The following HDAC4 variants were observed in gnomAD, a reference collection of about 807,000 sequenced individuals.
HDAC4 encodes the protein histone deacetylase 4.
HDAC4 carries 16 observed loss-of-function variants against 135.1 expected under a neutral mutation model. The ratio of observed to expected loss-of-function variants is 0.12; its 90% CI spans 0.08 to 0.18. HDAC4 has a LOEUF of 0.18. HDAC4 is among the 10% of genes least tolerant of loss of function. The pLI, the probability that HDAC4 is intolerant of heterozygous loss-of-function variation, is 1.00. For missense variants in HDAC4, 1,143 were observed against 1,511.8 expected, an observed-to-expected ratio of 0.76 and a Z score of 4.05; for synonymous variants, 685 against 653.4, an observed-to-expected ratio of 1.05 and a Z score of -0.74.
intron 19 of HDAC4, among the ~76,000 whole-genome samples, chr2:239,085,179 C>T (rs1232460394): frequency 1.3e-5 from 2 of 152,062 alleles, no homozygotes; most frequent in Non-Finnish European, 2.9e-5. Flanking sequence ...CAGGAGCTGC[C>T]GCCACGCCCC....
intron 3 of HDAC4, among the ~76,000 whole-genome samples, chr2:239,231,539 C>T (rs776546682): frequency 7.2e-5 from 11 of 152,242 alleles, no homozygotes; most frequent in Non-Finnish European, 8.8e-5. Context: ...CTCAGCATGC[C>T]GTCTGTTTAA....
chr2:239,142,432 C>T (rs368062049), intron 8 of HDAC4, among the ~76,000 whole-genome samples: 1 of 152,194 alleles, frequency 6.6e-6, no homozygotes, highest in Non-Finnish European at 1.5e-5. Flanking sequence ...GTACCAGTGC[C>T]GGCCAGGAGA....
At chr2:239,387,651 G>C (rs1298734136) in intron 1 of HDAC4, among the ~76,000 whole-genome samples, 1 of 152,200 alleles carries the variant, frequency 6.6e-6, no homozygotes. Context: ...GCCAGGGCAG[G>C]GATACTGCAA....
At position 239,239,175 on chromosome 2, in the gene HDAC4, C is replaced by T. The variant is rs369624865; in HGVS notation, c.23-2511G>A. Among the ~76,000 whole-genome samples the T allele has an allele frequency of 1.7e-4, 26 of 152,324 alleles. No homozygotes were observed. In the South Asian group the frequency reaches 5.0e-3, roughly 29 times the overall value. ...AGGGGCTCAGGTCCACAAGGCTGCCCCCATTTCAGACACAAGTCCTGGGCC... is the reference window on the plus strand; with the variant it reads ...AGGGGCTCAGGTCCACAAGGCTGCCTCCATTTCAGACACAAGTCCTGGGCC... On this transcript the variant is annotated intron_variant, in intron 2 of 26. Coordinates refer to ENST00000543185, the MANE Select transcript of HDAC4 (RefSeq NM_001378414.1).
rs1401963072 is a variant in HDAC4 at position 239,400,490 on chromosome 2, C to G, written c.-220+488G>C. 2.1e-5 allele frequency: 3 copies of G among 146,174 alleles called. No homozygotes were observed. In the East Asian group the frequency reaches 5.9e-4, roughly 29 times the overall value. 9.1% of individuals were successfully genotyped at this position (146,174 alleles called of 1,614,324 possible). On this transcript the variant is annotated intron_variant, in intron 1 of 26. Coordinates refer to ENST00000543185, the MANE Select transcript of HDAC4 (RefSeq NM_001378414.1). This position sits in a 1 kb window ranked among gnomAD's most constrained non-coding sequence, Gnocchi z 4.7. Reference sequence around the variant, plus strand: ...GCCTCGCGGCGCGGGTGGAAAGGTCCAGAAGGGGCCGGGCGGCCCTGGGGA... The same window carrying G: ...GCCTCGCGGCGCGGGTGGAAAGGTCGAGAAGGGGCCGGGCGGCCCTGGGGA...
At chr2:239,089,728 CTTTTTT>C (rs372528457) in intron 18 of HDAC4, 1 of 287,298 alleles carries the variant, frequency 3.5e-6, no homozygotes, top group Non-Finnish European at 6.4e-6. Flanking sequence ...CTCTTTGGAG[CTTTTTT>C]TTTTTTTTTA....
chr2:239,094,338 G>A (rs2036794885), intron 17 of HDAC4: 1 of 985,342 alleles, frequency 1.0e-6, no homozygotes, highest in Non-Finnish European at 1.2e-6. Context: ...CTTCCTGTGT[G>A]GACGGATGGG....
In HDAC4 at chr2:239,400,672, C is replaced by A. The variant is rs867232151; in HGVS notation, c.-220+306G>T. The A allele has an allele frequency of 4.1e-3, 599 of 146,530 alleles. 5 individuals are homozygous for A. The highest frequency in any genetic ancestry group is 0.013 in the African/African-American group (539 of 40,736). The allele number at this position is 146,530 out of a possible 1,614,324, so 9.1% of individuals were successfully genotyped here. ...GCGGCGGACAATGGCCCGCGGGCGC[C>A]GGGCCGGGGCTGCGCTTACCGCGGC... On this transcript the variant is annotated intron_variant, in intron 1 of 26. Coordinates refer to ENST00000543185, the MANE Select transcript of HDAC4 (RefSeq NM_001378414.1). The surrounding 1 kb of genome is among the most constrained non-coding windows in gnomAD (Gnocchi z 4.7).
chr2:239,080,052 C>A lies in HDAC4; in HGVS notation c.2750+1043G>T, dbSNP rs1298591689. Among the ~76,000 whole-genome samples, 4 of 151,254 alleles carry A rather than the reference C, an allele frequency of 2.6e-5. No individual in the cohort carries two copies. The East Asian group carries it at 5.8e-4, about 22-fold the overall frequency. On this transcript the variant is annotated intron_variant, in intron 22 of 26. Transcript: ENST00000543185. Reference sequence around the variant, plus strand: ...GACATGCACACAGATGAACACCCACCCACACAGACACACACACAGATGAAC... The same window carrying A: ...GACATGCACACAGATGAACACCCACACACACAGACACACACACAGATGAAC...
chr2:239,230,368 C>CAA (rs56105562), intron 3 of HDAC4, among the ~76,000 whole-genome samples: 1,761 of 79,188 alleles, frequency 0.022, 79 homozygotes, highest in East Asian at 0.067. Context: ...AGCAAGCAAG[C>CAA]AAAAAAAAAA....
chr2:239,310,631 C>T (rs780539982), intron 2 of HDAC4, among the ~76,000 whole-genome samples: 2 of 152,224 alleles, frequency 1.3e-5, no homozygotes, highest in Non-Finnish European at 2.9e-5. Context: ...GGAGCTCCCC[C>T]CTCTGCCCCC....
At chr2:239,324,934 C>G (rs1482299427) in intron 2 of HDAC4, among the ~76,000 whole-genome samples, 1 of 152,236 alleles carries the variant, frequency 6.6e-6, no homozygotes, top group Non-Finnish European at 1.5e-5. Flanking sequence ...AGCACAACTT[C>G]AGAAATGAGC....
intron 2 of HDAC4, among the ~76,000 whole-genome samples, chr2:239,282,807 C>T (rs1362924695): frequency 2.6e-5 from 4 of 151,364 alleles, no homozygotes; most frequent in African/African-American, 9.7e-5. Context: ...ATGTACACAC[C>T]ACTCTACACA....
intron 9 of HDAC4, among the ~76,000 whole-genome samples, chr2:239,136,242 T>C (rs1283713323): frequency 6.6e-6 from 1 of 152,186 alleles, no homozygotes; most frequent in Non-Finnish European, 1.5e-5. Flanking sequence ...ACTCTCTACC[T>C]CCATGACAGC....
At chr2:239,067,496 A>T (rs2033665300) in intron 23 of HDAC4, among the ~76,000 whole-genome samples, 1 of 152,260 alleles carries the variant, frequency 6.6e-6, no homozygotes, top group Non-Finnish European at 1.5e-5. Context: ...GCCTCGGTTC[A>T]TCCCATCTGA....
intron 1 of HDAC4, among the ~76,000 whole-genome samples, chr2:239,374,822 A>AAACC (rs1238036499): frequency 6.6e-6 from 1 of 152,232 alleles, no homozygotes; most frequent in Non-Finnish European, 1.5e-5. Context: ...TAAGACACCT[A>AAACC]AACCTGGACG....
At chr2:239,175,127 T>C (rs1262190216) in intron 5 of HDAC4, among the ~76,000 whole-genome samples, 1 of 152,148 alleles carries the variant, frequency 6.6e-6, no homozygotes, top group Non-Finnish European at 1.5e-5. Flanking sequence ...ACAGACAAAT[T>C]TAACTGAGCA....
intron 2 of HDAC4, among the ~76,000 whole-genome samples, chr2:239,292,203 G>T (rs926883466): frequency 1.1e-4 from 16 of 152,240 alleles, no homozygotes; most frequent in African/African-American, 3.1e-4. Flanking sequence ...GTGTGGCTGG[G>T]GACTCCCAGC....
chr2:239,359,761 A>G (rs866248750), intron 1 of HDAC4, among the ~76,000 whole-genome samples: 1 of 152,128 alleles, frequency 6.6e-6, no homozygotes, highest in African/African-American at 2.4e-5. Context: ...AGCCAGTGGG[A>G]GCTGCGATTT....
Sources: gnomAD v4.1 joint callset for allele counts (sites outside exome capture counted in the v4.1 genomes callset) on GRCh38, gnomAD v4.1.1 for gene constraint, Gnocchi (gnomAD v3.1) non-coding constraint, MANE v1.5 for transcripts, NCBI Gene and HGNC (gene_info 2026-07-23, HGNC 2026-07-21) for gene names.